DLAT: variants seen among roughly 807,000 people sequenced by gnomAD.
The protein encoded by DLAT is dihydrolipoamide S-acetyltransferase.
In DLAT, 43 loss-of-function variants were observed where a neutral mutation model predicts 68.0. The observed-to-expected ratio is 0.63, with a 90% confidence interval of 0.50 to 0.81. The LOEUF (loss-of-function observed/expected upper bound fraction) is 0.81. Among genes scored for constraint, DLAT ranks in the 40% least tolerant of loss-of-function variants. DLAT has a pLI of 0.00. For synonymous variants in DLAT, 265 were observed against 288.6 expected, an observed-to-expected ratio of 0.92 and a Z score of 0.83; for missense variants, 745 against 815.4, an observed-to-expected ratio of 0.91 and a Z score of 1.05.
At chr11:112,042,695 G>A (rs1863108215) in intron 7 of DLAT, among the ~76,000 whole-genome samples, 1 of 152,190 alleles carries the variant, frequency 6.6e-6, no homozygotes, top group African/African-American at 2.4e-5. Flanking sequence ...CTAAGAGGCT[G>A]TAGGTGGGAG....
Position 112,064,133 on chromosome 11 carries a change from C to T in DLAT, c.*1598C>T, listed in dbSNP as rs781926950. ...AAAGAAACAAGCTTATCACAAGGGA[C>T]CATCATCAATATGATCCAAATCTGG... is the stretch of plus-strand genomic sequence containing the variant. On this transcript the variant is annotated 3_prime_UTR_variant, in exon 14 of 14. Transcript: ENST00000280346. 2 of 1,482,960 alleles carry T rather than the reference C, an allele frequency of 1.3e-6. No individual in the cohort carries two copies. The highest frequency in any genetic ancestry group is 2.6e-5 in the South Asian group (2 of 77,576). The allele number at this position is 1,482,960 out of a possible 1,614,324, so 91.9% of individuals were successfully genotyped here.
intron 7 of DLAT, among the ~76,000 whole-genome samples, chr11:112,039,796 A>T (rs1423701557): frequency 1.3e-5 from 2 of 152,190 alleles, no homozygotes; most frequent in Admixed American, 1.3e-4. Flanking sequence ...ATTTGGAATG[A>T]CTTAATAAAA....
At chr11:112,040,329 A>C (rs1862986279) in intron 7 of DLAT, among the ~76,000 whole-genome samples, 1 of 152,216 alleles carries the variant, frequency 6.6e-6, no homozygotes, top group Non-Finnish European at 1.5e-5. Context: ...TTCTTGAAGT[A>C]AGAATTATCA....
chr11:112,027,656 G>A (rs1203410779), intron 2 of DLAT, among the ~76,000 whole-genome samples: 2 of 152,138 alleles, frequency 1.3e-5, no homozygotes, highest in South Asian at 2.1e-4. Context: ...CCGGCACCTC[G>A]GGAGGCCAAG....
At chr11:112,034,748 T>C (rs1168769185) in intron 5 of DLAT, among the ~76,000 whole-genome samples, 1 of 151,310 alleles carries the variant, frequency 6.6e-6, no homozygotes, top group Non-Finnish European at 1.5e-5. Flanking sequence ...TGTAGTATTA[T>C]GAATTTCTTC....
Position 112,025,630 on chromosome 11 carries a change from G to A in DLAT, c.158G>A (p.Gly53Asp), listed in dbSNP as rs1166044920. ...ARRNSVTTGY[G>D]GVRALCGWTP... is the part of the protein sequence containing the mutation. ...CGCAACAGCGTGACTACAGGGTATG[G>A]CGGGGTCCGGGCACTGTGCGGCTGG... The change falls in exon 1 of 14, where the codon GGC becomes GAC. Residue 53 changes from glycine to aspartate, a missense_variant. By Grantham distance (94) the Gly-to-Asp change is moderately conservative. Transcript: ENST00000280346. 2 of 1,613,546 alleles carry A rather than the reference G, an allele frequency of 1.2e-6. No individual in the cohort carries two copies. Among genetic ancestry groups the A allele is most frequent in the Non-Finnish European group, 8.5e-7 (1 of 1,179,986 alleles).
At chr11:112,033,572 C>G in intron 5 of DLAT, 42 bp downstream of exon 5, 1 of 1,610,498 alleles carries the variant, frequency 6.2e-7, no homozygotes, top group Non-Finnish European at 8.5e-7. Flanking sequence ...CACTGAGTTT[C>G]CCAATGAGGA....
chr11:112,039,075 C>T (rs1555180782), intron 6 of DLAT, among the ~76,000 whole-genome samples, 169 bp from the exon 7 acceptor site: 2 of 152,012 alleles, frequency 1.3e-5, no homozygotes, highest in African/African-American at 4.8e-5. Flanking sequence ...CGTATTACTA[C>T]ATTATGTTGG....
intron 7 of DLAT, among the ~76,000 whole-genome samples, chr11:112,043,041 G>A (rs1318824332): frequency 2.0e-5 from 3 of 152,140 alleles, no homozygotes; most frequent in Non-Finnish European, 4.4e-5. Context: ...TCTATTTCAC[G>A]GCTTAGGAAT....
At chr11:112,054,277 G>A (rs980682238) in intron 11 of DLAT, among the ~76,000 whole-genome samples, 5 of 152,008 alleles carry the variant, frequency 3.3e-5, no homozygotes, top group East Asian at 1.9e-4. Context: ...GATTGCACGC[G>A]CCACTGCACT....
chr11:112,025,677 C>G lies in DLAT; in HGVS notation c.205C>G (p.Pro69Ala). 1 of 1,613,096 alleles carries G rather than the reference C, an allele frequency of 6.2e-7. No individual in the cohort carries two copies. Among genetic ancestry groups the G allele is most frequent in the Non-Finnish European group, 8.5e-7 (1 of 1,179,980 alleles). Residue 69 changes from proline (P) to alanine (A), a missense_variant, in exon 1 of 14, where the codon CCG becomes GCG. By Grantham distance (27) the Pro-to-Ala change is conservative (BLOSUM62 -1). Coordinates refer to ENST00000280346, the MANE Select transcript of DLAT (RefSeq NM_001931.5). ...CGWTPSSGAT[P>A]RNRLLLQLLG... ...CTGGACCCCCAGTTCTGGGGCCACG[C>G]CGCGGAACCGCTTACTGCTGCAGCT...
intron 2 of DLAT, among the ~76,000 whole-genome samples, chr11:112,026,740 C>T (rs1358274606): frequency 2.6e-5 from 4 of 152,330 alleles, no homozygotes; most frequent in African/African-American, 9.6e-5. Context: ...GGCAACCATC[C>T]GATTTCTCAA....
Position 112,025,508 on chromosome 11 carries a change from A to G in DLAT, c.36A>G (p.Val12=). 1 of 1,613,722 alleles carries G rather than the reference A, an allele frequency of 6.2e-7. No individual in the cohort carries two copies. Among genetic ancestry groups the G allele is most frequent in the Non-Finnish European group, 8.5e-7 (1 of 1,179,954 alleles). ...TCTGTGCGCGACGGGCTCAGAATGT[A>G]GCCCCATGGGCGGGACTCGAGGCTC... ...WRVCARRAQN[V]APWAGLEARW... Residue 12 remains valine (V), a synonymous_variant, in exon 1 of 14, where the codon GTA becomes GTG. Coordinates refer to ENST00000280346, the MANE Select transcript of DLAT (RefSeq NM_001931.5).
chr11:112,026,096 C>A, intron 1 of DLAT, 102 bp from the exon 2 acceptor site: 2 of 958,658 alleles, frequency 2.1e-6, no homozygotes, highest in Non-Finnish European at 1.6e-6. Context: ...TGCAATGGAA[C>A]TGTATACACT....
Position 112,064,160 on chromosome 11 carries a change from T to G in DLAT, c.*1625T>G. ...ATCATCAATATGATCCAAATCTGGT[T>G]CAAACATTCAAAACTTCAAAGATAA... On this transcript the variant is annotated 3_prime_UTR_variant, in exon 14 of 14. Transcript: ENST00000280346. 6.4e-7 allele frequency: 1 copy of G among 1,561,400 alleles called. No homozygotes were observed. The highest frequency in any genetic ancestry group is 8.7e-7 in the Non-Finnish European group (1 of 1,152,928).
rs991978275 is a variant in DLAT, at chr11:112,063,123, C to G, written c.*588C>G. ...AAGTCAGCATTTTCTTAGACCTCTT[C>G]AGCTGATTGTTTATTTTTCTATGAA... On this transcript the variant is annotated 3_prime_UTR_variant, in exon 14 of 14. Coordinates refer to ENST00000280346, the MANE Select transcript of DLAT (RefSeq NM_001931.5). The G allele has an allele frequency of 6.5e-6, 1 of 153,222 alleles. No homozygotes were observed. The highest frequency in any genetic ancestry group is 2.4e-5 in the African/African-American group (1 of 41,438). 9.5% of individuals were successfully genotyped at this position (153,222 alleles called of 1,614,324 possible).
chr11:112,034,779 CTT>C (rs1194424480), intron 5 of DLAT, among the ~76,000 whole-genome samples: 1 of 140,302 alleles, frequency 7.1e-6, no homozygotes, highest in African/African-American at 2.6e-5. Context: ...CCCGCTTTTT[CTT>C]TTTTTTTTTT....
chr11:112,040,021 G>A (rs1862971338), intron 7 of DLAT, among the ~76,000 whole-genome samples: 1 of 152,180 alleles, frequency 6.6e-6, no homozygotes, highest in Non-Finnish European at 1.5e-5. Flanking sequence ...TTTTCTATCT[G>A]TAAAACTGAG....
chr11:112,038,861 A>C (rs1862907312), intron 6 of DLAT, among the ~76,000 whole-genome samples: 1 of 151,962 alleles, frequency 6.6e-6, no homozygotes, highest in African/African-American at 2.4e-5. Context: ...AAAAGAAAAA[A>C]AAAAAAGAAG....
Sources: allele counts gnomAD v4.1 joint callset (sites outside exome capture counted in the v4.1 genomes callset), GRCh38; gene constraint gnomAD v4.1.1; transcripts MANE v1.5; gene names NCBI Gene and HGNC (gene_info 2026-07-23, HGNC 2026-07-21).